The following GALK2 variants were observed in gnomAD, a reference collection of about 807,000 sequenced individuals.
GALK2 encodes the protein N-acetylgalactosamine kinase.
GALK2 carries 36 observed loss-of-function variants against 52.4 expected under a neutral mutation model. That is an observed-to-expected ratio of 0.69 (90% CI 0.53 to 0.91). The LOEUF is 0.91. Among genes scored for constraint, GALK2 ranks in the 40% least tolerant of loss-of-function variants. The pLI is 0.00. For missense variants in GALK2, 579 were observed against 559.1 expected, an observed-to-expected ratio of 1.04 and a Z score of -0.36; for synonymous variants, 176 against 199.1, an observed-to-expected ratio of 0.88 and a Z score of 0.98.
At chr15:49,367,399 TATTATTTTTGAAAGAA>T (rs750834633) in intron 3 of GALK2, 26 of 1,448,784 alleles carry the variant, frequency 1.8e-5, no homozygotes, top group Non-Finnish European at 2.4e-5. Flanking sequence ...ATGTTTTGAA[TATTATTTTTGAAAGAA>T]ATTATATTAA....
At position 49,299,771 on chromosome 15, in the gene GALK2, CTTTCTTTCT is replaced by C. The variant is rs1567037664; in HGVS notation, c.967+7237_967+7245del. On this transcript the variant is annotated intron_variant, in intron 8 of 9. Coordinates refer to ENST00000560031, the MANE Select transcript of GALK2 (RefSeq NM_002044.4). ...TCTTTCTTTCTTTCTTTCTTTCTTTCTTTCTTTCTTTCTTTCTTTCTTTCGTGCTGTAGT... is the reference window on the plus strand; with the variant it reads ...TCTTTCTTTCTTTCTTTCTTTCTTTCTTCTTTCTTTCTTTCGTGCTGTAGT... Among the ~76,000 whole-genome samples the C allele has an allele frequency of 2.0e-3, 244 of 124,902 alleles. 4 individuals are homozygous for C. Among genetic ancestry groups the C allele is most frequent in the Non-Finnish European group, 2.8e-3 (167 of 59,158 alleles). The allele number at this position is 124,902 out of a possible 152,430, so 81.9% of individuals were successfully genotyped here. A position where few individuals can be genotyped will look rare whatever the true frequency, so the allele number is the denominator to read the frequency against.
Position 49,313,764 on chromosome 15 carries a change from T to C in GALK2, c.968-5840T>C, listed in dbSNP as rs189750991. On this transcript the variant is annotated intron_variant, in intron 8 of 9. Transcript: ENST00000560031. ...TTTGCTAGATGACTATCATACTCAGTGCTTATGGCATCCCTCTTAGTAGAA... is the reference window on the plus strand; with the variant it reads ...TTTGCTAGATGACTATCATACTCAGCGCTTATGGCATCCCTCTTAGTAGAA... Among the ~76,000 whole-genome samples the C allele has an allele frequency of 4.6e-5, 7 of 152,342 alleles. No homozygotes were observed. In the East Asian group the frequency reaches 1.3e-3, roughly 29 times the overall value.
chr15:49,221,387 C>T (rs993210524), intron 3 of GALK2, among the ~76,000 whole-genome samples: 2 of 152,044 alleles, frequency 1.3e-5, no homozygotes, highest in African/African-American at 4.8e-5. Context: ...GTTTGCTGGC[C>T]GAGCGTGGTG....
At chr15:49,171,774 C>CTTTTTTTTTTTTTTTTTTTTT (rs199923207) in intron 1 of GALK2, among the ~76,000 whole-genome samples, 1 of 130,996 alleles carries the variant, frequency 7.6e-6, no homozygotes. Flanking sequence ...GTAGTTTAGT[C>CTTTTTTTTTTTTTTTTTTTTT]TTATTTTTTT....
chr15:49,240,390 G>A (rs34606419), intron 5 of GALK2, among the ~76,000 whole-genome samples: 3 of 151,946 alleles, frequency 2.0e-5, no homozygotes, highest in African/African-American at 7.3e-5. Context: ...TGGCTATTTT[G>A]TGCCAGATAA....
chr15:49,285,593 C>G (rs1470744160), intron 7 of GALK2, among the ~76,000 whole-genome samples: 1 of 152,178 alleles, frequency 6.6e-6, no homozygotes, highest in African/African-American at 2.4e-5. Context: ...ACCTCTATAT[C>G]CCATGCCTTA....
chr15:49,353,489 A>T (rs373448600), intron 3 of GALK2: 3 of 152,284 alleles, frequency 2.0e-5, no homozygotes, highest in East Asian at 1.9e-4. Context: ...TTTGAACAAA[A>T]ATATACTTTT....
At chr15:49,162,223 T>C (rs1198690315) in intron 1 of GALK2, among the ~76,000 whole-genome samples, 3 of 152,238 alleles carry the variant, frequency 2.0e-5, no homozygotes, top group African/African-American at 7.2e-5. Flanking sequence ...GAATTTTATA[T>C]AAATGGAATC....
intron 1 of GALK2, among the ~76,000 whole-genome samples, chr15:49,195,768 C>A (rs1441326157): frequency 6.6e-6 from 1 of 150,728 alleles, no homozygotes; most frequent in Non-Finnish European, 1.5e-5. Flanking sequence ...GAGGGTAGAG[C>A]CAGGGAGAGG....
At chr15:49,236,080 C>T (rs2090785950) in intron 4 of GALK2, 139 bp downstream of exon 4, 7 of 637,044 alleles carry the variant, frequency 1.1e-5, no homozygotes, top group Non-Finnish European at 1.9e-5. Context: ...GTTTGTGTTT[C>T]AGAGAGTGGG....
At chr15:49,300,272 G>A (rs2034994403) in intron 8 of GALK2, among the ~76,000 whole-genome samples, 1 of 151,626 alleles carries the variant, frequency 6.6e-6, no homozygotes, top group Non-Finnish European at 1.5e-5. Context: ...TGCTCTTTTT[G>A]TCTTCTGTTT....
chr15:49,178,717 C>A, intron 1 of GALK2: 1 of 216,316 alleles, frequency 4.6e-6, no homozygotes, highest in South Asian at 8.3e-5. Context: ...TCCACAGCTC[C>A]TGAATGTACT....
At chr15:49,345,529 A>C (rs2041351366) in intron 3 of GALK2, among the ~76,000 whole-genome samples, 1 of 152,258 alleles carries the variant, frequency 6.6e-6, no homozygotes, top group Non-Finnish European at 1.5e-5. Flanking sequence ...AAAACAGAAT[A>C]CTTAGACCAT....
downstream of GALK2, among the ~76,000 whole-genome samples, chr15:49,333,687 C>T (rs560525214): frequency 6.6e-6 from 1 of 152,284 alleles, no homozygotes; most frequent in Non-Finnish European, 1.5e-5. Flanking sequence ...TGAAGTGTGA[C>T]TGGCACAAAG....
chr15:49,367,595 C>CTACT (rs1567165310), exon 4 of GALK2: 1 of 1,584,516 alleles, frequency 6.3e-7, no homozygotes, highest in East Asian at 2.3e-5. Context: ...TGGACCAGTA[C>CTACT]TACTATAGTG....
intron 1 of GALK2, among the ~76,000 whole-genome samples, chr15:49,175,767 TG>T (rs1348149421): frequency 2.0e-5 from 3 of 152,184 alleles, no homozygotes; most frequent in Non-Finnish European, 4.4e-5. Context: ...TGCCACACCC[TG>T]GGCCTGGTAG....
intron 8 of GALK2, among the ~76,000 whole-genome samples, chr15:49,302,111 C>T (rs984076874): frequency 3.3e-5 from 5 of 152,118 alleles, no homozygotes; most frequent in Admixed American, 2.0e-4. Context: ...GAGCTGGAGC[C>T]GGACTCCAAA....
intron 2 of GALK2, among the ~76,000 whole-genome samples, chr15:49,204,288 C>A (rs1224249726): frequency 6.6e-6 from 1 of 150,558 alleles, no homozygotes; most frequent in Non-Finnish European, 1.5e-5. Flanking sequence ...TCTTCTTCTT[C>A]TTCTTTTATT....
At chr15:49,233,484 T>A (rs1185343649) in intron 3 of GALK2, among the ~76,000 whole-genome samples, 2 of 152,216 alleles carry the variant, frequency 1.3e-5, no homozygotes, top group Non-Finnish European at 2.9e-5. Context: ...TTCCTACATA[T>A]GTGCAACTAT....
Sources: allele counts gnomAD v4.1 joint callset (sites outside exome capture counted in the v4.1 genomes callset), GRCh38; gene constraint gnomAD v4.1.1; transcripts MANE v1.5; gene names NCBI Gene and HGNC (gene_info 2026-07-23, HGNC 2026-07-21).